SLC71A2: variants seen among roughly 807,000 people sequenced by gnomAD.
SLC71A2 encodes hippocampus abundant transcript-like 1.
chr9:94,390,803 G>T, the SLC71A2 span, among the ~76,000 whole-genome samples: 5 of 152,270 alleles, frequency 3.3e-5, no homozygotes, highest in African/African-American at 1.2e-4. Flanking sequence ...GGGTAGTACT[G>T]ATACATGCAA....
chr9:94,411,669 C>A, the SLC71A2 span, among the ~76,000 whole-genome samples: 1 of 151,688 alleles, frequency 6.6e-6, no homozygotes, highest in South Asian at 2.1e-4. Context: ...TGGCTCACTG[C>A]AACCTCCTCC....
the SLC71A2 span, chr9:94,438,509 C>G: frequency 6.2e-7 from 1 of 1,613,256 alleles, no homozygotes; most frequent in Non-Finnish European, 8.5e-7. Context: ...CCCAATCCCA[C>G]TGATGAGGAT....
At chr9:94,446,671 C>A in the SLC71A2 span, 1 of 480,852 alleles carries the variant, frequency 2.1e-6, no homozygotes, top group Non-Finnish European at 3.7e-6. Context: ...TTGTAACTTC[C>A]TCAGAAAGAT....
chr9:94,407,316 G>A, the SLC71A2 span, among the ~76,000 whole-genome samples: 1 of 151,530 alleles, frequency 6.6e-6, no homozygotes, highest in Non-Finnish European at 1.5e-5. Context: ...GTTGAATTTG[G>A]TTTGCTAATA....
the SLC71A2 span, among the ~76,000 whole-genome samples, chr9:94,410,285 C>G: frequency 3.3e-5 from 5 of 151,898 alleles, no homozygotes; most frequent in Non-Finnish European, 5.9e-5. Flanking sequence ...TTGGAGAGAT[C>G]GAGTCTCACT....
the SLC71A2 span, among the ~76,000 whole-genome samples, chr9:94,424,447 C>A: frequency 2.0e-5 from 3 of 151,974 alleles, no homozygotes; most frequent in Non-Finnish European, 4.4e-5. Flanking sequence ...GTTGGCCAGG[C>A]TGGTCTCGAA....
At chr9:94,447,325 G>A in the SLC71A2 span, among the ~76,000 whole-genome samples, 411 of 151,774 alleles carry the variant, frequency 2.7e-3, 1 homozygote, top group African/African-American at 9.4e-3. Flanking sequence ...GATTACAGGC[G>A]TGCACTACCA....
At chr9:94,437,662 G>GA in the SLC71A2 span, among the ~76,000 whole-genome samples, 1 of 148,568 alleles carries the variant, frequency 6.7e-6, no homozygotes, top group East Asian at 2.0e-4. Context: ...AGGCCCTGGG[G>GA]ATAGTATATG....
chr9:94,415,496 T>C, the SLC71A2 span, among the ~76,000 whole-genome samples: 1 of 152,136 alleles, frequency 6.6e-6, no homozygotes, highest in African/African-American at 2.4e-5. Context: ...GGTGCTGTTA[T>C]ACAAACGAAC....
At chr9:94,438,801 C>T in the SLC71A2 span, among the ~76,000 whole-genome samples, 1 of 152,138 alleles carries the variant, frequency 6.6e-6, no homozygotes. Flanking sequence ...CTGATGTTGC[C>T]ATGATGTCAG....
At chr9:94,421,962 G>A in the SLC71A2 span, among the ~76,000 whole-genome samples, 1 of 152,030 alleles carries the variant, frequency 6.6e-6, no homozygotes, top group African/African-American at 2.4e-5. Flanking sequence ...TGCCCAGGCT[G>A]GAGTGCAGTT....
At chr9:94,407,535 C>T in the SLC71A2 span, among the ~76,000 whole-genome samples, 9,506 of 152,108 alleles carry the variant, frequency 0.062, 450 homozygotes, top group African/African-American at 0.13. Context: ...CGCACTACCA[C>T]GCCCGGCTAA....
chr9:94,451,376 TATC>T, the SLC71A2 span: 66 of 700,074 alleles, frequency 9.4e-5, no homozygotes, highest in South Asian at 9.2e-4. Flanking sequence ...TTCCTAGACT[TATC>T]ATTGTAATAG....
chr9:94,431,647 G>T, the SLC71A2 span, among the ~76,000 whole-genome samples: 1 of 151,762 alleles, frequency 6.6e-6, no homozygotes, highest in South Asian at 2.1e-4. Context: ...TTAGATAAAA[G>T]TGTTATAGGT....
the SLC71A2 span, among the ~76,000 whole-genome samples, chr9:94,379,780 G>A: frequency 2.0e-5 from 3 of 152,172 alleles, no homozygotes; most frequent in Admixed American, 6.5e-5. Flanking sequence ...AATATTGCAC[G>A]TGTTGATAAT....
the SLC71A2 span, among the ~76,000 whole-genome samples, chr9:94,401,732 G>T: frequency 2.0e-5 from 3 of 151,778 alleles, no homozygotes; most frequent in Admixed American, 6.6e-5. Flanking sequence ...CAGGAAAGGG[G>T]TCCCAATCCA....
chr9:94,422,208 A>G, the SLC71A2 span, among the ~76,000 whole-genome samples: 1 of 152,208 alleles, frequency 6.6e-6, no homozygotes. Flanking sequence ...TAAATGCTTT[A>G]TGTGTGACTC....
the SLC71A2 span, among the ~76,000 whole-genome samples, chr9:94,399,279 G>C: frequency 6.6e-6 from 1 of 152,004 alleles, no homozygotes; most frequent in Non-Finnish European, 1.5e-5. Flanking sequence ...CCCAGAATTA[G>C]CTGTTTCTCC....
chr9:94,411,331 TCA>T, the SLC71A2 span, among the ~76,000 whole-genome samples: 1 of 147,606 alleles, frequency 6.8e-6, no homozygotes, highest in Non-Finnish European at 1.5e-5. Flanking sequence ...GTTTTTTGTT[TCA>T]CTTTGTTTTT....
Sources: gnomAD v4.1 joint callset for allele counts (sites outside exome capture counted in the v4.1 genomes callset) on GRCh38, gnomAD v4.1.1 for gene constraint, MANE v1.5 for transcripts, NCBI Gene and HGNC (gene_info 2026-07-23, HGNC 2026-07-21) for gene names.